The following SMAD4 variants were observed in gnomAD, a reference collection of about 807,000 sequenced individuals.
SMAD4 encodes the protein SMAD family member 4.
A neutral mutation model predicts 63.2 loss-of-function variants in SMAD4; 7 were observed. The observed-to-expected ratio is 0.11, with a 90% CI of 0.06 to 0.21. The LOEUF is 0.21. Ranked by LOEUF, SMAD4 falls within the 10% of genes least tolerant of loss-of-function variation. SMAD4 has a pLI of 1.00. For synonymous variants in SMAD4, 215 were observed against 235.4 expected, an observed-to-expected ratio of 0.91 and a Z score of 0.79; for missense variants, 312 against 693.8, an observed-to-expected ratio of 0.45 and a Z score of 6.18.
chr18:51,041,515 C>T lies in SMAD4; in HGVS notation c.-127-5405C>T, dbSNP rs576558343. Among the ~76,000 whole-genome samples, 7 of 152,332 alleles carry T rather than the reference C, an allele frequency of 4.6e-5. No homozygotes were observed. The South Asian group carries it at 1.5e-3, about 32-fold the overall frequency. ...CAGGGTATTTAGCAGCAACCATGGC[C>T]TTTAGCCACCAGATGCCCAGTAGTA... On this transcript the variant is annotated intron_variant, in intron 1 of 11. Transcript: ENST00000342988.
intron 4 of SMAD4, chr18:51,051,379 CCTT>C (rs1909707233): frequency 4.4e-6 from 2 of 456,032 alleles, no homozygotes; most frequent in East Asian, 1.4e-4. Context: ...TCTCACAGCT[CCTT>C]CTAGATTTGG....
Position 51,055,075 on chromosome 18 carries a change from C to T in SMAD4, c.667+82C>T. Reference sequence around the variant, plus strand: ...TTATGTGTAGTCACTTGGGGGGAAACTCCAAGTAAGTAAACATTAAAAGTA... The same window carrying T: ...TTATGTGTAGTCACTTGGGGGGAAATTCCAAGTAAGTAAACATTAAAAGTA... On this transcript the variant is annotated intron_variant, in intron 5 of 11. Transcript: ENST00000342988. 3 of 1,010,996 alleles carry T rather than the reference C, an allele frequency of 3.0e-6. No individual in the cohort carries two copies. The South Asian group carries it at 3.8e-5, about 13-fold the overall frequency. 62.6% of individuals were successfully genotyped at this position (1,010,996 alleles called of 1,614,324 possible).
chr18:51,077,891 T>G (rs1480962887), intron 11 of SMAD4, among the ~76,000 whole-genome samples: 1 of 152,188 alleles, frequency 6.6e-6, no homozygotes, highest in Non-Finnish European at 1.5e-5. Context: ...ACTAGGCTGT[T>G]TAGACAGTAA....
intron 10 of SMAD4, among the ~76,000 whole-genome samples, chr18:51,068,542 A>G (rs1451117166): frequency 1.3e-5 from 2 of 152,234 alleles, no homozygotes; most frequent in African/African-American, 4.8e-5. Flanking sequence ...CATCAGTTAT[A>G]GTCTGTTAGA....
At chr18:51,058,810 A>G (rs1323893657) in intron 7 of SMAD4, among the ~76,000 whole-genome samples, 1 of 152,190 alleles carries the variant, frequency 6.6e-6, no homozygotes, top group East Asian at 1.9e-4. Flanking sequence ...TAAGTTCTCA[A>G]GGTTTCCCTC....
At chr18:51,045,356 A>G (rs1909511621) in intron 1 of SMAD4, among the ~76,000 whole-genome samples, 1 of 152,192 alleles carries the variant, frequency 6.6e-6, no homozygotes, top group African/African-American at 2.4e-5. Context: ...AAAGCAAGAT[A>G]AGTCTGGAAT....
chr18:51,063,591 T>G (rs912652960), intron 8 of SMAD4, among the ~76,000 whole-genome samples: 1 of 151,986 alleles, frequency 6.6e-6, no homozygotes. Context: ...TTTTCTATTT[T>G]TCGTAGAGAC....
At chr18:51,038,117 A>G (rs1909258417) in intron 1 of SMAD4, among the ~76,000 whole-genome samples, 1 of 152,082 alleles carries the variant, frequency 6.6e-6, no homozygotes. Context: ...ACATATAAAA[A>G]TTAGGTGTAG....
At chr18:51,036,793 CG>C (rs571597206) in intron 1 of SMAD4, among the ~76,000 whole-genome samples, 1 of 152,130 alleles carries the variant, frequency 6.6e-6, no homozygotes, top group South Asian at 2.1e-4. Context: ...GCCTAACCTG[CG>C]GGGGATTTTG....
chr18:51,046,542 G>C (rs1909548732), intron 1 of SMAD4, among the ~76,000 whole-genome samples: 1 of 150,136 alleles, frequency 6.7e-6, no homozygotes, highest in Non-Finnish European at 1.5e-5. Context: ...ATTAGTAATA[G>C]ACTTTTAGGT....
intron 6 of SMAD4, 38 bp from the exon 7 acceptor site, chr18:51,058,302 A>G: frequency 6.2e-7 from 1 of 1,610,930 alleles, no homozygotes; most frequent in Non-Finnish European, 8.5e-7. Context: ...GGCAGCCTTT[A>G]TAAAAGCAAA....
rs542824041 is a variant in SMAD4, at chr18:51,074,325, G to A, written c.1309-2313G>A. Reference sequence around the variant, plus strand: ...AGCCCAGGTGTTCAAGACTAGCTTGGGCAACATAGCAAGACCCCATCTTAA... The same window carrying A: ...AGCCCAGGTGTTCAAGACTAGCTTGAGCAACATAGCAAGACCCCATCTTAA... On this transcript the variant is annotated intron_variant, in intron 10 of 11. Coordinates refer to ENST00000342988, the MANE Select transcript of SMAD4 (RefSeq NM_005359.6). Among the ~76,000 whole-genome samples the A allele has an allele frequency of 2.0e-5, 3 of 151,922 alleles. No individual in the cohort carries two copies. The South Asian group carries it at 6.2e-4, about 32-fold the overall frequency.
rs1489718298 is a variant in SMAD4 at position 51,081,296 on chromosome 18, C to T, written c.*2829C>T. ...TGAATGAGAGATGAGCCATGTACAC[C>T]CACCGTAAGACCTCATTCCATGTTT... On this transcript the variant is annotated 3_prime_UTR_variant, in exon 12 of 12. Transcript: ENST00000342988. 4.4e-6 allele frequency: 1 copy of T among 227,422 alleles called. No homozygotes were observed. The highest frequency in any genetic ancestry group is 6.3e-5 in the East Asian group (1 of 15,800). The allele number at this position is 227,422 out of a possible 1,614,324, so 14.1% of individuals were successfully genotyped here. A position where few individuals can be genotyped will look rare whatever the true frequency, so the allele number is the denominator to read the frequency against.
intron 5 of SMAD4, among the ~76,000 whole-genome samples, chr18:51,055,633 G>T (rs1909825068): frequency 6.6e-6 from 1 of 151,962 alleles, no homozygotes; most frequent in Admixed American, 6.6e-5. Flanking sequence ...ATATGACCTG[G>T]TTCTGTTACT....
At chr18:51,041,035 C>T (rs955143991) in intron 1 of SMAD4, among the ~76,000 whole-genome samples, 28 of 152,094 alleles carry the variant, frequency 1.8e-4, no homozygotes, top group Admixed American at 6.5e-5. Context: ...TCTTTTCTAC[C>T]TAGAAATAGC....
At position 51,030,245 on chromosome 18, in the gene SMAD4, A is replaced by G. The variant is rs1232721583; in HGVS notation, c.-506A>G. Reference sequence around the variant, plus strand: ...GTGGCTTCTCGACAAGTTGGCAGCAACAACACGGCCCTGGTCGTCGTCGCC... The same window carrying G: ...GTGGCTTCTCGACAAGTTGGCAGCAGCAACACGGCCCTGGTCGTCGTCGCC... On this transcript the variant is annotated 5_prime_UTR_variant, in exon 1 of 12. Coordinates refer to ENST00000342988, the MANE Select transcript of SMAD4 (RefSeq NM_005359.6). The G allele has an allele frequency of 6.5e-6, 1 of 152,732 alleles. No homozygotes were observed. Among genetic ancestry groups the G allele is most frequent in the Non-Finnish European group, 1.5e-5 (1 of 68,120 alleles). 9.5% of individuals were successfully genotyped at this position (152,732 alleles called of 1,614,324 possible).
chr18:51,032,426 A>G (rs1036108263), intron 1 of SMAD4, among the ~76,000 whole-genome samples: 5 of 152,226 alleles, frequency 3.3e-5, no homozygotes, highest in East Asian at 3.8e-4. Context: ...ATATTTTGGA[A>G]TAAGTTTTAC....
rs876658257 is a variant in SMAD4 at position 51,059,891 on chromosome 18, C to G, written c.930C>G (p.Phe310Leu). The G allele has an allele frequency of 1.9e-6, 3 of 1,612,982 alleles. No homozygotes were observed. The highest frequency in any genetic ancestry group is 2.2e-5 in the East Asian group (1 of 44,800). The change falls in exon 8 of 12, where the codon TTC becomes TTG. Residue 310 changes from phenylalanine (F) to leucine (L), a missense_variant. Around this residue, in one of 4 missense-constraint regions of SMAD4, gnomAD observed 169 missense variants for 211.0 expected, o/e 0.80. Coordinates refer to ENST00000342988, the MANE Select transcript of SMAD4 (RefSeq NM_005359.6). ...HYWPVHNELA[F>L]QPPISNHPAP... ...GGCCTGTTCACAATGAGCTTGCATT[C>G]CAGCCTCCCATTTCCAATCATCCTG...
chr18:51,081,129 A>T lies in SMAD4; in HGVS notation c.*2662A>T, dbSNP rs191637734. ...TATTTCTTAGTGGTAGTCATCTTTG[A>T]TGAATAAGACTAAAGATTCTCACAG... On this transcript the variant is annotated 3_prime_UTR_variant, in exon 12 of 12. Coordinates refer to ENST00000342988, the MANE Select transcript of SMAD4 (RefSeq NM_005359.6). 217 of 219,752 alleles carry T rather than the reference A, an allele frequency of 9.9e-4. No homozygotes were observed. Among genetic ancestry groups the T allele is most frequent in the African/African-American group, 4.3e-3 (194 of 44,712 alleles). 13.6% of individuals were successfully genotyped at this position (219,752 alleles called of 1,614,324 possible).
Sources: allele counts gnomAD v4.1 joint callset (sites outside exome capture counted in the v4.1 genomes callset), GRCh38; gene constraint gnomAD v4.1.1; regional missense constraint gnomAD v4.1.1; transcripts MANE v1.5; gene names NCBI Gene and HGNC (gene_info 2026-07-23, HGNC 2026-07-21).